ADCY5: variants seen among roughly 807,000 people sequenced by gnomAD.
The protein encoded by ADCY5 is adenylate cyclase 5.
Under a neutral mutation model 119.7 loss-of-function variants are expected in ADCY5, and 30 were observed. The ratio of observed to expected loss-of-function variants is 0.25; its 90% CI spans 0.19 to 0.34. ADCY5 has a LOEUF of 0.34. ADCY5 is among the 10% of genes least tolerant of loss of function. The pLI is 1.00. For synonymous variants in ADCY5, 753 were observed against 762.2 expected (o/e 0.99, Z 0.20); for missense variants, 1,324 against 1,775.2 (o/e 0.75, Z 4.57).
At position 123,447,443 on chromosome 3, in the gene ADCY5, G is replaced by T. The variant is rs1402701691; in HGVS notation, c.1103C>A (p.Thr368Asn). The change falls in exon 1 of 21, where the codon ACC (threonine) becomes AAC (asparagine). Residue 368 changes from threonine (T) to asparagine (N), a missense_variant. By Grantham distance (65) the Thr-to-Asn change is moderately conservative. This residue lies in a region of ADCY5 where 585 missense variants were observed against 569.9 expected (regional missense o/e 1.03). Coordinates refer to ENST00000462833, the MANE Select transcript of ADCY5 (RefSeq NM_183357.3). ...SALHLAIALRTNAQDQFLLKQ... is the reference protein window; with the variant it reads ...SALHLAIALRNNAQDQFLLKQ... ...CAGCAGGAACTGGTCCTGGGCGTTGGTGCGCAGGGCGATGGCCAGGTGGAG... is the reference window on the plus strand; with the variant it reads ...CAGCAGGAACTGGTCCTGGGCGTTGTTGCGCAGGGCGATGGCCAGGTGGAG... The T allele has an allele frequency of 1.2e-6, 2 of 1,603,560 alleles. No individual in the cohort carries two copies. Among genetic ancestry groups the T allele is most frequent in the East Asian group, 2.2e-5 (1 of 44,602 alleles).
At chr3:123,348,061 G>GTGTGTGTGTGTC (rs1347982680) in intron 2 of ADCY5, among the ~76,000 whole-genome samples, 158 bp from the exon 3 acceptor site, 2 of 150,638 alleles carry the variant, frequency 1.3e-5, no homozygotes, top group African/African-American at 4.9e-5. Flanking sequence ...GTGTGTGTGT[G>GTGTGTGTGTGTC]TGTCTGTGCA....
In ADCY5 at chr3:123,297,338, G is replaced by A. The variant is rs1322592985; in HGVS notation, c.2930+15C>T. The A allele has an allele frequency of 4.2e-5, 68 of 1,613,648 alleles. No individual in the cohort carries two copies. The highest frequency in any genetic ancestry group is 5.5e-5 in the Non-Finnish European group (65 of 1,179,760). Reference sequence around the variant, plus strand: ...GAGGGCAGGGAGCGACCCTATCCGAGGAGCATCAACTCACCACTGGGAGGT... The same window carrying A: ...GAGGGCAGGGAGCGACCCTATCCGAAGAGCATCAACTCACCACTGGGAGGT... On this transcript the variant is annotated intron_variant, in intron 16 of 20. Coordinates refer to ENST00000462833, the MANE Select transcript of ADCY5 (RefSeq NM_183357.3).
chr3:123,321,531 G>A (rs1941217815), intron 8 of ADCY5, among the ~76,000 whole-genome samples: 1 of 152,158 alleles, frequency 6.6e-6, no homozygotes, highest in African/African-American at 2.4e-5. Context: ...CCCCACTGTG[G>A]GGAGGGGTGG....
intron 1 of ADCY5, among the ~76,000 whole-genome samples, chr3:123,371,958 TG>T (rs1472531464): frequency 6.6e-6 from 1 of 152,162 alleles, no homozygotes; most frequent in Admixed American, 6.5e-5. Context: ...GGGTCTGCAG[TG>T]AGCACAGAGG....
At chr3:123,389,368 T>C (rs762361205) in intron 1 of ADCY5, among the ~76,000 whole-genome samples, 1 of 152,074 alleles carries the variant, frequency 6.6e-6, no homozygotes, top group Non-Finnish European at 1.5e-5. Context: ...TCAGAAGAGT[T>C]AGGAACGCAG....
intron 1 of ADCY5, among the ~76,000 whole-genome samples, chr3:123,444,002 A>G (rs1945769307): frequency 1.3e-5 from 2 of 152,196 alleles, no homozygotes; most frequent in African/African-American, 4.8e-5. Flanking sequence ...AATCGTTAAT[A>G]GCTAAGCATA....
chr3:123,440,799 A>G (rs1945709341), intron 1 of ADCY5, among the ~76,000 whole-genome samples: 1 of 152,120 alleles, frequency 6.6e-6, no homozygotes, highest in Non-Finnish European at 1.5e-5. Context: ...TGAGCCACAG[A>G]TTGTTTTGCC....
intron 8 of ADCY5, 144 bp from the exon 9 acceptor site, chr3:123,320,915 TTTCC>T: frequency 1.1e-4 from 73 of 657,622 alleles, no homozygotes; most frequent in Non-Finnish European, 1.3e-4. Flanking sequence ...CAGCAGCTCC[TTTCC>T]TTCCTTCCTT....
intron 3 of ADCY5, among the ~76,000 whole-genome samples, chr3:123,339,813 G>A (rs1942192700): frequency 7.2e-6 from 1 of 138,436 alleles, no homozygotes; most frequent in African/African-American, 2.7e-5. Flanking sequence ...ATTCTGTTTA[G>A]AAAGTCTAGA....
chr3:123,402,587 A>G (rs1205642153), intron 1 of ADCY5, among the ~76,000 whole-genome samples: 1 of 149,980 alleles, frequency 6.7e-6, no homozygotes, highest in Non-Finnish European at 1.5e-5. Flanking sequence ...GTGGTGGCTC[A>G]CGCCTGTAAT....
chr3:123,285,278 A>G (rs1369874206), intron 20 of ADCY5, among the ~76,000 whole-genome samples: 2 of 152,166 alleles, frequency 1.3e-5, no homozygotes, highest in Non-Finnish European at 2.9e-5. Flanking sequence ...CAGAGCATCT[A>G]AGTCACGAGC....
intron 3 of ADCY5, among the ~76,000 whole-genome samples, chr3:123,338,310 C>A (rs1022773924): frequency 7.2e-5 from 11 of 152,216 alleles, no homozygotes; most frequent in African/African-American, 2.7e-4. Flanking sequence ...GCCCCCAAAG[C>A]CTCACCACAC....
chr3:123,314,918 A>G (rs1424117732), intron 11 of ADCY5, among the ~76,000 whole-genome samples: 2 of 151,084 alleles, frequency 1.3e-5, no homozygotes, highest in African/African-American at 5.0e-5. Context: ...CAAGTCCCGC[A>G]GTTTTTGCTC....
chr3:123,302,390 AGAT>A lies in ADCY5; in HGVS notation c.2724+662_2724+664del, dbSNP rs1032107925. Among the ~76,000 whole-genome samples, 5 of 152,386 alleles carry A rather than the reference AGAT, an allele frequency of 3.3e-5. No individual in the cohort carries two copies. In the East Asian group the frequency reaches 9.6e-4, roughly 29 times the overall value. Reference sequence around the variant, plus strand: ...GGGGTGATGAAAGTATTCTAAAATTAGATGATGATGATGGCTGTACACATCGGT... The same window carrying A: ...GGGGTGATGAAAGTATTCTAAAATTAGATGATGATGGCTGTACACATCGGT... On this transcript the variant is annotated intron_variant, in intron 14 of 20. Coordinates refer to ENST00000462833, the MANE Select transcript of ADCY5 (RefSeq NM_183357.3).
intron 3 of ADCY5, among the ~76,000 whole-genome samples, chr3:123,344,336 C>T (rs1942427216): frequency 6.6e-6 from 1 of 152,174 alleles, no homozygotes; most frequent in Non-Finnish European, 1.5e-5. Flanking sequence ...ACTAGAGAAT[C>T]CCCAGGCCTT....
chr3:123,393,971 T>C (rs1944471270), intron 1 of ADCY5, among the ~76,000 whole-genome samples: 1 of 152,108 alleles, frequency 6.6e-6, no homozygotes. Context: ...CTGTCTCTAC[T>C]AAAAATACAC....
At chr3:123,397,881 G>A (rs1457632052) in intron 1 of ADCY5, among the ~76,000 whole-genome samples, 1 of 152,212 alleles carries the variant, frequency 6.6e-6, no homozygotes, top group African/African-American at 2.4e-5. Context: ...GGTGAAAACA[G>A]ACAGTGAAGG....
chr3:123,429,926 G>A (rs1945489903), intron 1 of ADCY5, among the ~76,000 whole-genome samples: 1 of 152,182 alleles, frequency 6.6e-6, no homozygotes, highest in South Asian at 2.1e-4. Flanking sequence ...GGTGGGGTGT[G>A]GAGACCCAGC....
intron 1 of ADCY5, among the ~76,000 whole-genome samples, chr3:123,436,484 T>G (rs1274529256): frequency 6.6e-6 from 1 of 152,166 alleles, no homozygotes; most frequent in Non-Finnish European, 1.5e-5. Context: ...GGTGGGCAGA[T>G]GACCTGAGGT....
Sources: allele counts gnomAD v4.1 joint callset (sites outside exome capture counted in the v4.1 genomes callset), GRCh38; gene constraint gnomAD v4.1.1; regional missense constraint gnomAD v4.1.1; transcripts MANE v1.5; gene names NCBI Gene and HGNC (gene_info 2026-07-23, HGNC 2026-07-21).